TP53BP2: variants seen among roughly 807,000 people sequenced by gnomAD.
TP53BP2 encodes the protein apoptosis-stimulating of p53 protein 2.
TP53BP2 carries 62 observed loss-of-function variants against 126.2 expected under a neutral mutation model. That is an observed-to-expected ratio of 0.49 (90% confidence interval 0.40 to 0.61). The LOEUF (loss-of-function observed/expected upper bound fraction) is 0.61, where lower values mean the gene tolerates loss of function less well. Among genes scored for constraint, TP53BP2 ranks in the 20% least tolerant of loss-of-function variants. The probability of loss-of-function intolerance (pLI) is 0.00; values close to 1 mark genes in which losing one functional copy is unlikely to be tolerated. For missense variants in TP53BP2, 1,215 were observed against 1,402.8 expected (o/e 0.87, Z 2.14); for synonymous variants, 485 against 502.9 (o/e 0.96, Z 0.48).
chr1:223,800,109 G>A (rs114383697), intron 10 of TP53BP2, 62 bp from the exon 11 acceptor site: 24 of 1,479,054 alleles, frequency 1.6e-5, no homozygotes, highest in Admixed American at 4.7e-5. Context: ...TCATTCACTC[G>A]TAAGTTTCTC....
chr1:223,807,688 T>C (rs1662771610), intron 4 of TP53BP2, among the ~76,000 whole-genome samples: 1 of 152,104 alleles, frequency 6.6e-6, no homozygotes, highest in Admixed American at 6.5e-5. Context: ...TTAAAATTTT[T>C]AAATTTAAAT....
At chr1:223,807,972 A>G (rs577943039) in intron 4 of TP53BP2, among the ~76,000 whole-genome samples, 1 of 152,342 alleles carries the variant, frequency 6.6e-6, no homozygotes, top group East Asian at 1.9e-4. Context: ...AGAATAGCCA[A>G]AATAACTCTG....
At chr1:223,795,231 T>C (rs1662275556) in intron 13 of TP53BP2, among the ~76,000 whole-genome samples, 1 of 152,142 alleles carries the variant, frequency 6.6e-6, no homozygotes, top group Non-Finnish European at 1.5e-5. Flanking sequence ...ATCTTAGGGA[T>C]CACCATATTA....
chr1:223,833,331 C>A (rs909602761), intron 1 of TP53BP2, among the ~76,000 whole-genome samples: 1 of 152,028 alleles, frequency 6.6e-6, no homozygotes, highest in Non-Finnish European at 1.5e-5. Flanking sequence ...ATTTTTTTTA[C>A]TTCATAAACT....
chr1:223,792,453 T>C lies in TP53BP2; in HGVS notation c.2932A>G (p.Thr978Ala). 3 of 1,613,976 alleles carry C rather than the reference T, an allele frequency of 1.9e-6. No individual in the cohort carries two copies. In the African/African-American group the frequency reaches 4.0e-5, roughly 22 times the overall value. Residue 978 changes from threonine (T) to alanine (A), a missense_variant, in exon 15 of 18, where the codon ACA becomes GCA. Around this residue, in one of 4 missense-constraint regions of TP53BP2, gnomAD observed 151 missense variants for 231.2 expected, o/e 0.65. Transcript: ENST00000343537. Reference sequence around the variant, plus strand: ...TGTACCAGGAACTTAACGATTTCTGTGTGGCCTGCACACACAGCATTGTGA... The same window carrying C: ...TGTACCAGGAACTTAACGATTTCTGCGTGGCCTGCACACACAGCATTGTGA... Reference protein sequence around the residue: ...ALHNAVCAGHTEIVKFLVQFG... With the variant: ...ALHNAVCAGHAEIVKFLVQFG...
intron 7 of TP53BP2, 124 bp from the exon 8 acceptor site, chr1:223,803,019 TTCTCA>T: frequency 9.4e-7 from 1 of 1,060,892 alleles, no homozygotes; most frequent in South Asian, 1.6e-5. Context: ...CCCTCCACAC[TTCTCA>T]TCTCATGGTT....
chr1:223,831,054 C>T (rs1663686318), intron 1 of TP53BP2, among the ~76,000 whole-genome samples: 1 of 151,648 alleles, frequency 6.6e-6, no homozygotes, highest in East Asian at 1.9e-4. Flanking sequence ...GCCGAGATCG[C>T]GCCACTGCAC....
At chr1:223,839,191 G>A (rs771170917) in intron 1 of TP53BP2, among the ~76,000 whole-genome samples, 1 of 152,176 alleles carries the variant, frequency 6.6e-6, no homozygotes, top group Non-Finnish European at 1.5e-5. Context: ...GTATGTGTTT[G>A]CAGGCAGACA....
chr1:223,844,130 T>C (rs1379503819), intron 1 of TP53BP2, among the ~76,000 whole-genome samples: 1 of 152,188 alleles, frequency 6.6e-6, no homozygotes, highest in African/African-American at 2.4e-5. Context: ...ACTGAAGTGT[T>C]AGTCTGACTT....
intron 5 of TP53BP2, among the ~76,000 whole-genome samples, chr1:223,805,092 C>G (rs999030866): frequency 1.9e-4 from 29 of 152,136 alleles, no homozygotes; most frequent in African/African-American, 7.0e-4. Flanking sequence ...AGTAACAGAG[C>G]CACACAATTT....
chr1:223,814,052 A>T, intron 3 of TP53BP2, 188 bp downstream of exon 3: 1 of 540,958 alleles, frequency 1.8e-6, no homozygotes, highest in East Asian at 2.9e-5. Flanking sequence ...TGCTCTAATG[A>T]CTCCTTCCCA....
intron 17 of TP53BP2, among the ~76,000 whole-genome samples, chr1:223,783,615 C>T (rs1008001609): frequency 6.6e-6 from 1 of 152,168 alleles, no homozygotes; most frequent in African/African-American, 2.4e-5. Context: ...GCCAGCCTTC[C>T]CCTGAAAATA....
At chr1:223,782,168 G>A (rs1181291014) in intron 17 of TP53BP2, among the ~76,000 whole-genome samples, 3 of 152,052 alleles carry the variant, frequency 2.0e-5, no homozygotes, top group East Asian at 3.8e-4. Flanking sequence ...CATGTGAGAT[G>A]ATGCATGTAT....
At chr1:223,830,723 GT>G (rs1224081018) in intron 1 of TP53BP2, among the ~76,000 whole-genome samples, 2 of 152,170 alleles carry the variant, frequency 1.3e-5, no homozygotes, top group African/African-American at 4.8e-5. Context: ...ACCAACTCCT[GT>G]AAGTATAAAT....
chr1:223,793,271 C>T (rs1662211714), intron 14 of TP53BP2, 32 bp downstream of exon 14: 1 of 1,052,264 alleles, frequency 9.5e-7, no homozygotes, highest in Non-Finnish European at 1.3e-6. Context: ...GACTCTGACT[C>T]AAAAAAAAAA....
In TP53BP2 at chr1:223,811,909, T is replaced by C. The variant is rs138961337; in HGVS notation, c.290-1396A>G. ...ACATTACTGACACTGAAACTGCATA[T>C]TGCACTATTGAGAGACTATTTAATA... On this transcript the variant is annotated intron_variant, in intron 3 of 17. Coordinates refer to ENST00000343537, the MANE Select transcript of TP53BP2 (RefSeq NM_001031685.3). Among the ~76,000 whole-genome samples the C allele has an allele frequency of 2.2e-3, 340 of 152,278 alleles. 2 individuals carry two copies. The highest frequency in any genetic ancestry group is 7.9e-3 in the African/African-American group (328 of 41,564).
In TP53BP2 at chr1:223,845,846, A is replaced by G. The variant is rs1357838082; in HGVS notation, c.-166T>C. 2.1e-6 allele frequency: 1 copy of G among 467,900 alleles called. No individual in the cohort carries two copies. The highest frequency in any genetic ancestry group is 2.1e-5 in the African/African-American group (1 of 48,128). 29.0% of individuals were successfully genotyped at this position (467,900 alleles called of 1,614,324 possible). ...AAGGGCCCTCCGCGCGGGCTGGGGCACCAACAAGCCCCGGGCTCCCCCGCC... is the reference window on the plus strand; with the variant it reads ...AAGGGCCCTCCGCGCGGGCTGGGGCGCCAACAAGCCCCGGGCTCCCCCGCC... On this transcript the variant is annotated 5_prime_UTR_variant, in exon 1 of 18. Coordinates refer to ENST00000343537, the MANE Select transcript of TP53BP2 (RefSeq NM_001031685.3).
chr1:223,838,385 T>C (rs1356452075), intron 1 of TP53BP2, among the ~76,000 whole-genome samples: 1 of 152,222 alleles, frequency 6.6e-6, no homozygotes, highest in East Asian at 1.9e-4. Context: ...TAATGTGATT[T>C]CATTCAAAAT....
Position 223,844,554 on chromosome 1 carries a change from A to C in TP53BP2, c.27+1100T>G, listed in dbSNP as rs551580506. 1.9e-4 allele frequency among the ~76,000 whole-genome samples: 29 copies of C among 152,352 alleles called. No homozygotes were observed. The South Asian group carries it at 5.8e-3, about 30-fold the overall frequency. ...TTTCATAACCAGGCATTAAACTAAA[A>C]TAAGATGCATAATGCTATTAATACT... On this transcript the variant is annotated intron_variant, in intron 1 of 17. Coordinates refer to ENST00000343537, the MANE Select transcript of TP53BP2 (RefSeq NM_001031685.3).
Sources: allele counts gnomAD v4.1 joint callset (sites outside exome capture counted in the v4.1 genomes callset), GRCh38; gene constraint gnomAD v4.1.1; regional missense constraint gnomAD v4.1.1; transcripts MANE v1.5; gene names NCBI Gene and HGNC (gene_info 2026-07-23, HGNC 2026-07-21).